Variants in CAND1 observed in about 807,000 individuals in gnomAD.
The protein encoded by CAND1 is cullin associated and neddylation dissociated 1, also known as cullin-associated NEDD8-dissociated protein 1.
A neutral mutation model predicts 108.5 loss-of-function variants in CAND1; 7 were observed. The observed-to-expected ratio is 0.06, with a 90% CI of 0.04 to 0.12. The LOEUF (loss-of-function observed/expected upper bound fraction) is 0.12. Ranked by LOEUF, CAND1 falls within the 10% of genes least tolerant of loss-of-function variation. CAND1 has a pLI of 1.00. For synonymous variants in CAND1, 534 were observed against 512.0 expected, an observed-to-expected ratio of 1.04 and a Z score of -0.58; for missense variants, 941 against 1,448.7, an observed-to-expected ratio of 0.65 and a Z score of 5.69.
At chr12:67,293,609 C>G (rs1181153584) in intron 3 of CAND1, among the ~76,000 whole-genome samples, 9 of 152,002 alleles carry the variant, frequency 5.9e-5, no homozygotes, top group Non-Finnish European at 1.3e-4. Flanking sequence ...CAAAATTAGC[C>G]GGGCGTGGTG....
rs1592629403 is a variant in CAND1, at chr12:67,314,525, C to G, written c.*1695C>G. 6.6e-6 allele frequency: 1 copy of G among 152,138 alleles called. No individual in the cohort carries two copies. Among genetic ancestry groups the G allele is most frequent in the Non-Finnish European group, 1.5e-5 (1 of 68,014 alleles). The allele number at this position is 152,138 out of a possible 1,614,324, so 9.4% of individuals were successfully genotyped here. A position where few individuals can be genotyped will look rare whatever the true frequency, so the allele number is the denominator to read the frequency against. The stretch of plus-strand genomic sequence containing the variant: ...TTTTGAGATGTTAGTATATTATGTA[C>G]TATGCATTTCTGTGGTATAGATGTT... On this transcript the variant is annotated 3_prime_UTR_variant, in exon 15 of 15. Coordinates refer to ENST00000545606, the MANE Select transcript of CAND1 (RefSeq NM_018448.5).
At position 67,306,068 on chromosome 12, in the gene CAND1, C is replaced by T. The variant is rs1191927041; in HGVS notation, c.2400C>T (p.Ala800=). ...ATAAGCAGTCTTATTATTCCATTGCCAAATGTGTAGCTGCCCTTACTCGAG... is the reference window on the plus strand; with the variant it reads ...ATAAGCAGTCTTATTATTCCATTGCTAAATGTGTAGCTGCCCTTACTCGAG... The part of the protein sequence containing the change: ...LTHKQSYYSI[A]KCVAALTRAC... The change falls in exon 10 of 15, where the codon GCC becomes GCT. Residue 800 remains alanine, a synonymous_variant. Coordinates refer to ENST00000545606, the MANE Select transcript of CAND1 (RefSeq NM_018448.5). The T allele has an allele frequency of 2.4e-5, 39 of 1,614,126 alleles. No individual in the cohort carries two copies. Among genetic ancestry groups the T allele is most frequent in the Non-Finnish European group, 3.3e-5 (39 of 1,180,006 alleles).
intron 3 of CAND1, 129 bp downstream of exon 3, chr12:67,292,905 G>T: frequency 1.3e-6 from 1 of 763,470 alleles, no homozygotes; most frequent in African/African-American, 1.8e-5. Flanking sequence ...GAATCCCTTT[G>T]GACAATTAAG....
rs2136028553 is a variant in CAND1, at chr12:67,317,334, A to T, written c.*4504A>T. 1 of 151,792 alleles carries T rather than the reference A, an allele frequency of 6.6e-6. No individual in the cohort carries two copies. The highest frequency in any genetic ancestry group is 2.1e-4 in the South Asian group (1 of 4,776). 9.4% of individuals were successfully genotyped at this position (151,792 alleles called of 1,614,324 possible). On this transcript the variant is annotated 3_prime_UTR_variant, in exon 15 of 15. Coordinates refer to ENST00000545606, the MANE Select transcript of CAND1 (RefSeq NM_018448.5). ...TATTTCCTTGTGGAGATGGGGTCTCATGACCTTGTCCAGGATGATCTCAAA... is the reference window on the plus strand; with the variant it reads ...TATTTCCTTGTGGAGATGGGGTCTCTTGACCTTGTCCAGGATGATCTCAAA...
chr12:67,283,194 A>G (rs2044636266), intron 2 of CAND1, among the ~76,000 whole-genome samples: 1 of 152,258 alleles, frequency 6.6e-6, no homozygotes. Flanking sequence ...AAATAAAAAT[A>G]TGAGAACTAA....
In CAND1 at chr12:67,316,329, A is replaced by G. The variant is rs1207787710; in HGVS notation, c.*3499A>G. The G allele has an allele frequency of 1.3e-5, 2 of 152,252 alleles. No homozygotes were observed. The highest frequency in any genetic ancestry group is 1.3e-4 in the Admixed American group (2 of 15,282). The allele number at this position is 152,252 out of a possible 1,614,324, so 9.4% of individuals were successfully genotyped here. On this transcript the variant is annotated 3_prime_UTR_variant, in exon 15 of 15. Transcript: ENST00000545606. ...GAAGTATTTGGCTACAGGCTACCCAAATCTCATCAGATAAGGCTGTTTTCT... is the reference window on the plus strand; with the variant it reads ...GAAGTATTTGGCTACAGGCTACCCAGATCTCATCAGATAAGGCTGTTTTCT...
intron 11 of CAND1, among the ~76,000 whole-genome samples, chr12:67,307,960 G>T (rs76278716): frequency 0.05 from 7,604 of 152,030 alleles, 238 homozygotes; most frequent in Non-Finnish European, 0.057. Context: ...AAAATAAAGG[G>T]GGGGAGAGCT....
chr12:67,292,195 A>G (rs2044728889), intron 2 of CAND1, among the ~76,000 whole-genome samples: 1 of 152,134 alleles, frequency 6.6e-6, no homozygotes, highest in South Asian at 2.1e-4. Flanking sequence ...GTTTTGTGCC[A>G]GCCATGGTGT....
chr12:67,295,181 T>C (rs753173844), intron 4 of CAND1, 25 bp downstream of exon 4: 1 of 1,582,848 alleles, frequency 6.3e-7, no homozygotes, highest in Non-Finnish European at 8.6e-7. Flanking sequence ...TTATTTCCGT[T>C]ACTCGTAATA....
At chr12:67,288,273 C>T (rs75953891) in intron 2 of CAND1, among the ~76,000 whole-genome samples, 9,726 of 151,726 alleles carry the variant, frequency 0.064, 371 homozygotes, top group African/African-American at 0.093. Flanking sequence ...TGGTTACAGG[C>T]GCACACCATC....
chr12:67,284,138 C>T (rs1216487902), intron 2 of CAND1, among the ~76,000 whole-genome samples: 2 of 152,008 alleles, frequency 1.3e-5, no homozygotes, highest in Non-Finnish European at 2.9e-5. Flanking sequence ...ATATTTCACA[C>T]GTCTTTAAAA....
chr12:67,292,025 G>A (rs991556356), intron 2 of CAND1, among the ~76,000 whole-genome samples: 1 of 152,076 alleles, frequency 6.6e-6, no homozygotes, highest in African/African-American at 2.4e-5. Context: ...GCAATGCCCA[G>A]CTAATTTTTT....
At chr12:67,281,667 C>T (rs2044621291) in intron 1 of CAND1, among the ~76,000 whole-genome samples, 1 of 152,096 alleles carries the variant, frequency 6.6e-6, no homozygotes, top group Non-Finnish European at 1.5e-5. Flanking sequence ...CATATAAAAG[C>T]ATATCAGTAC....
At chr12:67,302,645 A>G (rs200495153) in intron 8 of CAND1, 30 bp downstream of exon 8, 55 of 1,565,578 alleles carry the variant, frequency 3.5e-5, no homozygotes, top group Admixed American at 5.3e-5. Flanking sequence ...TTAGAAAATC[A>G]TGATAGTAAA....
At position 67,313,937 on chromosome 12, in the gene CAND1, A is replaced by G. The variant is rs886904196; in HGVS notation, c.*1107A>G. The G allele has an allele frequency of 3.9e-5, 6 of 152,676 alleles. No individual in the cohort carries two copies. The highest frequency in any genetic ancestry group is 3.9e-4 in the Admixed American group (6 of 15,280). The allele number at this position is 152,676 out of a possible 1,614,324, so 9.5% of individuals were successfully genotyped here. On this transcript the variant is annotated 3_prime_UTR_variant, in exon 15 of 15. Coordinates refer to ENST00000545606, the MANE Select transcript of CAND1 (RefSeq NM_018448.5). ...CCCATCTCCTGTAGAGCGAATTTAC[A>G]TATTGTATTGGGTAAGTGTTCACTA...
Position 67,313,541 on chromosome 12 carries a change from A to G in CAND1, c.*711A>G, listed in dbSNP as rs2044976562. The G allele has an allele frequency of 6.6e-6, 1 of 152,572 alleles. No individual in the cohort carries two copies. The highest frequency in any genetic ancestry group is 1.5e-5 in the Non-Finnish European group (1 of 68,006). 9.5% of individuals were successfully genotyped at this position (152,572 alleles called of 1,614,324 possible). On this transcript the variant is annotated 3_prime_UTR_variant, in exon 15 of 15. Coordinates refer to ENST00000545606, the MANE Select transcript of CAND1 (RefSeq NM_018448.5). Reference sequence around the variant, plus strand: ...TCAGATATTTATTTTTGCACAGAAAACACATTATCTGGAGAGAAAGAAAGG... The same window carrying G: ...TCAGATATTTATTTTTGCACAGAAAGCACATTATCTGGAGAGAAAGAAAGG...
chr12:67,312,369 C>G (rs187413332), intron 14 of CAND1, among the ~76,000 whole-genome samples: 2 of 151,986 alleles, frequency 1.3e-5, no homozygotes, highest in Admixed American at 6.6e-5. Context: ...CTCTTTGTTA[C>G]AATCATTTGG....
intron 4 of CAND1, among the ~76,000 whole-genome samples, chr12:67,296,469 C>CT (rs1351039246): frequency 2.0e-5 from 3 of 151,868 alleles, no homozygotes; most frequent in Non-Finnish European, 4.4e-5. Flanking sequence ...GAGTCTCACT[C>CT]TGTCACCCAG....
chr12:67,276,646 A>C (rs938448790), intron 1 of CAND1, among the ~76,000 whole-genome samples: 3 of 152,148 alleles, frequency 2.0e-5, no homozygotes, highest in Non-Finnish European at 4.4e-5. Flanking sequence ...GGAGAGGGGA[A>C]TGTTTGGTAT....
Sources: allele counts gnomAD v4.1 joint callset (sites outside exome capture counted in the v4.1 genomes callset), GRCh38; gene constraint gnomAD v4.1.1; transcripts MANE v1.5; gene names NCBI Gene and HGNC (gene_info 2026-07-23, HGNC 2026-07-21).